The following ATE1 variants were observed in gnomAD, a reference collection of about 807,000 sequenced individuals.
The protein encoded by ATE1 is arginyl-tRNA--protein transferase 1.
ATE1 carries 36 observed loss-of-function variants against 70.5 expected under a neutral mutation model. That is an observed-to-expected ratio of 0.51 (90% CI 0.39 to 0.67). The LOEUF (loss-of-function observed/expected upper bound fraction) is 0.67, where lower values mean the gene tolerates loss of function less well. ATE1 is among the 30% of genes least tolerant of loss of function. ATE1 has a pLI of 0.00. For missense variants in ATE1, 593 were observed against 629.5 expected, an observed-to-expected ratio of 0.94 and a Z score of 0.62; for synonymous variants, 232 against 219.3, an observed-to-expected ratio of 1.06 and a Z score of -0.51.
intron 10 of ATE1, among the ~76,000 whole-genome samples, chr10:121,821,106 T>G (rs1947778636): frequency 6.6e-6 from 1 of 152,170 alleles, no homozygotes; most frequent in Non-Finnish European, 1.5e-5. Context: ...CACGCCTGGC[T>G]AATTTCTTTT....
At chr10:121,758,681 C>T (rs1165367147) in intron 11 of ATE1, among the ~76,000 whole-genome samples, 1 of 152,128 alleles carries the variant, frequency 6.6e-6, no homozygotes, top group Non-Finnish European at 1.5e-5. Context: ...AGATTTGTGG[C>T]AACCCTGCAT....
rs889879871 is a variant in ATE1, at chr10:121,922,962, A to C, written c.171-551T>G. On this transcript the variant is annotated intron_variant, in intron 2 of 11. Transcript: ENST00000224652. ...CTATTAGCAAGCTTTCCTTCATTTT[A>C]AACCCTATCCTAAATTGTCCCCTCT... 5.6e-4 allele frequency among the ~76,000 whole-genome samples: 86 copies of C among 152,252 alleles called. 1 individual carries two copies. The highest frequency in any genetic ancestry group is 4.6e-3 in the Admixed American group (71 of 15,294).
chr10:121,916,246 C>CA (rs202202584), intron 3 of ATE1, among the ~76,000 whole-genome samples: 10 of 151,578 alleles, frequency 6.6e-5, no homozygotes, highest in African/African-American at 1.5e-4. Context: ...AAAACAACAA[C>CA]AAAAAAAAGG....
intron 11 of ATE1, among the ~76,000 whole-genome samples, chr10:121,744,649 G>A (rs1049466603): frequency 2.6e-5 from 4 of 152,190 alleles, no homozygotes; most frequent in African/African-American, 9.7e-5. Flanking sequence ...TTAGGTAGGA[G>A]GGCAGGTTCC....
intron 9 of ATE1, among the ~76,000 whole-genome samples, chr10:121,840,722 A>C (rs561360567): frequency 4.0e-5 from 6 of 151,356 alleles, no homozygotes; most frequent in African/African-American, 1.5e-4. Flanking sequence ...TAGATTATAG[A>C]TACTAGTTAT....
intron 5 of ATE1, among the ~76,000 whole-genome samples, chr10:121,906,212 A>C (rs1233947523): frequency 6.6e-6 from 1 of 152,114 alleles, no homozygotes; most frequent in Non-Finnish European, 1.5e-5. Context: ...TGGGCAACAT[A>C]GCAAGACCTC....
At position 121,740,658 on chromosome 10, in the gene ATE1, C is replaced by T. The variant is rs1173032447; in HGVS notation, c.*3022G>A. On this transcript the variant is annotated 3_prime_UTR_variant, in exon 12 of 12. Transcript: ENST00000224652. The stretch of plus-strand genomic sequence containing the variant: ...ACAGATACATTTTAGTTAACTGTTT[C>T]ATATTCCTTATCTTTATTCATACTG... 6.6e-6 allele frequency: 1 copy of T among 152,314 alleles called. No individual in the cohort carries two copies. The highest frequency in any genetic ancestry group is 1.9e-4 in the East Asian group (1 of 5,186). The allele number at this position is 152,314 out of a possible 1,614,324, so 9.4% of individuals were successfully genotyped here. A position where few individuals can be genotyped will look rare whatever the true frequency, so the allele number is the denominator to read the frequency against.
chr10:121,910,802 C>T, intron 5 of ATE1, 104 bp downstream of exon 5: 2 of 1,483,990 alleles, frequency 1.3e-6, no homozygotes, highest in Non-Finnish European at 1.9e-6. Flanking sequence ...TTACAGACTG[C>T]ACGACTAAGT....
chr10:121,781,977 T>C (rs879389783), intron 11 of ATE1, among the ~76,000 whole-genome samples: 5 of 152,192 alleles, frequency 3.3e-5, no homozygotes, highest in Non-Finnish European at 5.9e-5. Context: ...AAGAACACTA[T>C]AAAATAAACA....
chr10:121,872,569 T>C (rs1371974386), intron 7 of ATE1, among the ~76,000 whole-genome samples: 1 of 152,186 alleles, frequency 6.6e-6, no homozygotes, highest in Non-Finnish European at 1.5e-5. Flanking sequence ...AATGAAACTG[T>C]ACATATTATA....
At chr10:121,826,455 G>A (rs921543906) in intron 10 of ATE1, among the ~76,000 whole-genome samples, 6 of 152,096 alleles carry the variant, frequency 3.9e-5, no homozygotes, top group African/African-American at 9.7e-5. Context: ...AGAGGCATGC[G>A]TCACCACATC....
At chr10:121,758,949 T>C (rs1944920812) in intron 11 of ATE1, among the ~76,000 whole-genome samples, 1 of 151,206 alleles carries the variant, frequency 6.6e-6, no homozygotes, top group African/African-American at 2.5e-5. Context: ...GCTGTCTTTC[T>C]CCCTCTCCTT....
intron 11 of ATE1, among the ~76,000 whole-genome samples, chr10:121,751,512 G>A (rs1367689717): frequency 1.3e-5 from 2 of 152,138 alleles, no homozygotes; most frequent in East Asian, 1.9e-4. Context: ...CTTCTTAGTC[G>A]GTGCATAGCA....
At chr10:121,815,090 T>A (rs552751875) in intron 10 of ATE1, among the ~76,000 whole-genome samples, 1 of 152,344 alleles carries the variant, frequency 6.6e-6, no homozygotes, top group Non-Finnish European at 1.5e-5. Context: ...AATAAGACCC[T>A]ACCATACACA....
At chr10:121,744,377 A>AT (rs1319321352) in intron 11 of ATE1, among the ~76,000 whole-genome samples, 1 of 152,146 alleles carries the variant, frequency 6.6e-6, no homozygotes, top group Non-Finnish European at 1.5e-5. Context: ...GCTGAAGGTG[A>AT]TAAAGACCCT....
intron 8 of ATE1, among the ~76,000 whole-genome samples, chr10:121,846,327 T>C (rs1423571843): frequency 6.6e-6 from 1 of 152,124 alleles, no homozygotes; most frequent in Non-Finnish European, 1.5e-5. Flanking sequence ...AATAAATTAA[T>C]AAATGAGGCA....
At chr10:121,776,306 T>C (rs1457603719) in intron 11 of ATE1, among the ~76,000 whole-genome samples, 1 of 145,960 alleles carries the variant, frequency 6.9e-6, no homozygotes, top group East Asian at 2.0e-4. Context: ...CCATCCCTCT[T>C]CATCTTCCCT....
intron 11 of ATE1, among the ~76,000 whole-genome samples, chr10:121,765,255 C>T (rs1275238527): frequency 1.3e-5 from 2 of 152,188 alleles, no homozygotes; most frequent in East Asian, 3.9e-4. Context: ...GAGAAGTCAC[C>T]TCTGAGGGTT....
At chr10:121,829,023 T>C (rs1201878438) in intron 10 of ATE1, among the ~76,000 whole-genome samples, 2 of 152,152 alleles carry the variant, frequency 1.3e-5, no homozygotes, top group African/African-American at 4.8e-5. Context: ...TCCTCCTAAG[T>C]TGTAACCTTC....
Sources: allele counts gnomAD v4.1 joint callset (sites outside exome capture counted in the v4.1 genomes callset), GRCh38; gene constraint gnomAD v4.1.1; transcripts MANE v1.5; gene names NCBI Gene and HGNC (gene_info 2026-07-23, HGNC 2026-07-21).